The following MAMDC2 variants were observed in gnomAD, a reference collection of about 807,000 sequenced individuals.
MAMDC2 encodes the protein MAM domain containing 2.
A neutral mutation model predicts 89.8 loss-of-function variants in MAMDC2; 57 were observed. That is an observed-to-expected ratio of 0.63 (90% CI 0.51 to 0.79). The LOEUF (loss-of-function observed/expected upper bound fraction) is 0.79. Ranked by LOEUF, MAMDC2 falls within the 30% of genes least tolerant of loss-of-function variation. The pLI is 0.00. For missense variants in MAMDC2, 800 were observed against 820.6 expected (o/e 0.97, Z 0.31); for synonymous variants, 313 against 293.4 (o/e 1.07, Z -0.68).
chr9:70,143,486 A>C, intron 8 of MAMDC2, 68 bp from the exon 9 acceptor site: 2 of 1,546,540 alleles, frequency 1.3e-6, no homozygotes, highest in Non-Finnish European at 8.8e-7. Flanking sequence ...TACTTTAATC[A>C]TATTTTACCA....
intron 2 of MAMDC2, among the ~76,000 whole-genome samples, chr9:70,055,817 A>T (rs1277366180): frequency 6.6e-6 from 1 of 152,244 alleles, no homozygotes; most frequent in Non-Finnish European, 1.5e-5. Flanking sequence ...TTGACCTAAA[A>T]TACTTTGGCA....
intron 12 of MAMDC2, among the ~76,000 whole-genome samples, chr9:70,219,430 G>T (rs1362403047): frequency 6.6e-6 from 1 of 152,222 alleles, no homozygotes; most frequent in African/African-American, 2.4e-5. Flanking sequence ...ACTTCTGGCT[G>T]ATAAACCTCC....
intron 11 of MAMDC2, among the ~76,000 whole-genome samples, chr9:70,200,153 T>C (rs535435492): frequency 1.3e-5 from 2 of 152,284 alleles, no homozygotes; most frequent in African/African-American, 4.8e-5. Flanking sequence ...TGGTAATGCC[T>C]AGGTTTTCTC....
intron 2 of MAMDC2, among the ~76,000 whole-genome samples, chr9:70,052,498 C>T (rs1826933309): frequency 6.6e-6 from 1 of 152,150 alleles, no homozygotes; most frequent in Non-Finnish European, 1.5e-5. Context: ...TTAAAACATT[C>T]CATAACTTTT....
At chr9:70,160,209 C>T (rs2031923635) in intron 9 of MAMDC2, among the ~76,000 whole-genome samples, 1 of 151,654 alleles carries the variant, frequency 6.6e-6, no homozygotes, top group African/African-American at 2.4e-5. Context: ...GAGACCCTGT[C>T]TCCAGAAAAA....
chr9:70,091,416 G>C (rs1157875008), intron 2 of MAMDC2, among the ~76,000 whole-genome samples: 1 of 152,100 alleles, frequency 6.6e-6, no homozygotes. Context: ...TAATCCAAGA[G>C]GGTCCACCAT....
chr9:70,118,410 G>A (rs1375602374), intron 5 of MAMDC2, among the ~76,000 whole-genome samples: 1 of 151,482 alleles, frequency 6.6e-6, no homozygotes, highest in Non-Finnish European at 1.5e-5. Context: ...CAAAAATGAT[G>A]AGTTCAAAAG....
At chr9:70,205,808 C>T (rs1927092) in intron 11 of MAMDC2, among the ~76,000 whole-genome samples, 120,647 of 152,086 alleles carry the variant, frequency 0.79, 47,961 homozygotes, top group Admixed American at 0.83. Flanking sequence ...ACTGGGGCTT[C>T]CTGGCTCCCA....
At chr9:70,145,515 T>C (rs920758290) in intron 9 of MAMDC2, among the ~76,000 whole-genome samples, 1 of 152,102 alleles carries the variant, frequency 6.6e-6, no homozygotes, top group Non-Finnish European at 1.5e-5. Flanking sequence ...GAGTTCCCAT[T>C]ACCAATTATT....
Position 70,148,997 on chromosome 9 carries a change from C to T in MAMDC2, c.1404+5178C>T, listed in dbSNP as rs1248627563. 2.8e-5 allele frequency among the ~76,000 whole-genome samples: 4 copies of T among 144,842 alleles called. 1 individual carries two copies. Among genetic ancestry groups the T allele is most frequent in the Admixed American group, 2.8e-4 (4 of 14,544 alleles). ...TGAGCCGAGATTGCGCCACTGCACTCCAGCCTGGGCAACAGAGCAAGACTC... is the reference window on the plus strand; with the variant it reads ...TGAGCCGAGATTGCGCCACTGCACTTCAGCCTGGGCAACAGAGCAAGACTC... On this transcript the variant is annotated intron_variant, in intron 9 of 13. Transcript: ENST00000377182.
intron 8 of MAMDC2, among the ~76,000 whole-genome samples, chr9:70,142,511 A>G (rs1207625386): frequency 6.6e-6 from 1 of 152,236 alleles, no homozygotes; most frequent in African/African-American, 2.4e-5. Flanking sequence ...GCCATCCATA[A>G]TAGTCTGCTC....
intron 2 of MAMDC2, among the ~76,000 whole-genome samples, chr9:70,052,207 C>G (rs1202164962): frequency 6.6e-6 from 1 of 152,138 alleles, no homozygotes; most frequent in East Asian, 1.9e-4. Flanking sequence ...AGAAGAAATG[C>G]CCTCGTCTTA....
At chr9:70,103,281 T>C (rs1927149) in intron 2 of MAMDC2, among the ~76,000 whole-genome samples, 127,913 of 152,090 alleles carry the variant, frequency 0.84, 54,325 homozygotes, top group Middle Eastern at 0.91. Context: ...CCAGAATAGT[T>C]AAAATGATCT....
Position 70,064,122 on chromosome 9 carries a change from A to G in MAMDC2, c.148+19425A>G, listed in dbSNP as rs369406330. 4.0e-5 allele frequency among the ~76,000 whole-genome samples: 6 copies of G among 151,844 alleles called. No homozygotes were observed. The East Asian group carries it at 7.7e-4, about 19-fold the overall frequency. ...AACCTTTTCTTTATAAAAATGATGT[A>G]TATATATATAATAATTTTAAAACAA... On this transcript the variant is annotated intron_variant, in intron 2 of 13. Transcript: ENST00000377182.
chr9:70,098,524 T>C (rs1245752097), intron 2 of MAMDC2, among the ~76,000 whole-genome samples: 2 of 152,240 alleles, frequency 1.3e-5, no homozygotes, highest in Non-Finnish European at 2.9e-5. Context: ...TTTGAGGCAC[T>C]GCAGTAGAAA....
At chr9:70,064,735 T>C (rs919069193) in intron 2 of MAMDC2, among the ~76,000 whole-genome samples, 14 of 152,222 alleles carry the variant, frequency 9.2e-5, no homozygotes, top group Non-Finnish European at 2.1e-4. Flanking sequence ...AGAATGTGTA[T>C]GCTGGAAGGT....
At chr9:70,071,502 C>T (rs533144395) in intron 2 of MAMDC2, 2 of 152,230 alleles carry the variant, frequency 1.3e-5, no homozygotes, top group African/African-American at 4.8e-5. Flanking sequence ...TTGTCATATG[C>T]CTTACTTATT....
intron 2 of MAMDC2, among the ~76,000 whole-genome samples, chr9:70,051,477 T>C (rs778286950): frequency 1.3e-5 from 2 of 152,252 alleles, no homozygotes; most frequent in Non-Finnish European, 2.9e-5. Context: ...TTTTAGCCTA[T>C]AGTTACCATG....
intron 11 of MAMDC2, among the ~76,000 whole-genome samples, chr9:70,188,941 ATTAAC>A (rs1159844957): frequency 6.6e-6 from 1 of 151,956 alleles, no homozygotes; most frequent in Non-Finnish European, 1.5e-5. Flanking sequence ...TCTAGTTCAT[ATTAAC>A]TTAATTTCAT....
Sources: gnomAD v4.1 joint callset for allele counts (sites outside exome capture counted in the v4.1 genomes callset) on GRCh38, gnomAD v4.1.1 for gene constraint, MANE v1.5 for transcripts, NCBI Gene and HGNC (gene_info 2026-07-23, HGNC 2026-07-21) for gene names.